The following DGKB variants were observed in gnomAD, a reference collection of about 807,000 sequenced individuals.
DGKB encodes diacylglycerol kinase beta.
Under a neutral mutation model 114.3 loss-of-function variants are expected in DGKB, and 67 were observed. The ratio of observed to expected loss-of-function variants is 0.59; its 90% CI spans 0.48 to 0.72. DGKB has a LOEUF of 0.72. Ranked by LOEUF, DGKB falls within the 30% of genes least tolerant of loss-of-function variation. The pLI is 0.00. For missense variants in DGKB, 907 were observed against 975.2 expected, an observed-to-expected ratio of 0.93 and a Z score of 0.93; for synonymous variants, 398 against 323.1, an observed-to-expected ratio of 1.23 and a Z score of -2.49.
chr7:14,390,903 C>A (rs140758279), intron 21 of DGKB, among the ~76,000 whole-genome samples: 5 of 152,124 alleles, frequency 3.3e-5, no homozygotes, highest in African/African-American at 1.2e-4. Flanking sequence ...TATATTAATG[C>A]CTAATATTGA....
rs1212646215 is a variant in DGKB at position 14,484,031 on chromosome 7, G to C, written c.1771-5806C>G. Among the ~76,000 whole-genome samples the C allele has an allele frequency of 2.7e-5, 4 of 147,796 alleles. No homozygotes were observed. In the East Asian group the frequency reaches 7.9e-4, roughly 29 times the overall value. On this transcript the variant is annotated intron_variant, in intron 20 of 25. Coordinates refer to ENST00000402815, the MANE Select transcript of DGKB (RefSeq NM_001350709.2). ...AACTTATACTTCATCTGTTCATGTA[G>C]GGTTTTTTTTTTTTTGAGAAAAACA... is the stretch of plus-strand genomic sequence containing the variant.
intron 5 of DGKB, among the ~76,000 whole-genome samples, chr7:14,732,447 G>A (rs1363595429): frequency 6.6e-6 from 1 of 151,906 alleles, no homozygotes; most frequent in Non-Finnish European, 1.5e-5. Context: ...GAATGGAAAG[G>A]CATTTCTTTT....
At chr7:14,852,047 G>T (rs975739574) in intron 1 of DGKB, among the ~76,000 whole-genome samples, 2 of 152,058 alleles carry the variant, frequency 1.3e-5, no homozygotes, top group African/African-American at 4.8e-5. Flanking sequence ...ACAGTAAAAC[G>T]ATTATTTTAC....
chr7:14,910,593 C>A (rs148132850), intron 1 of DGKB, among the ~76,000 whole-genome samples: 12 of 152,018 alleles, frequency 7.9e-5, no homozygotes, highest in Admixed American at 5.9e-4. Context: ...AACTATCCTA[C>A]GAAGAAGATA....
chr7:14,314,912 C>T (rs1806179109), intron 23 of DGKB, among the ~76,000 whole-genome samples: 1 of 151,828 alleles, frequency 6.6e-6, no homozygotes, highest in Non-Finnish European at 1.5e-5. Context: ...AAGGGAAGCC[C>T]ATCAGACTAA....
intron 21 of DGKB, among the ~76,000 whole-genome samples, chr7:14,457,618 C>T (rs748417421): frequency 6.6e-6 from 1 of 152,134 alleles, no homozygotes; most frequent in South Asian, 2.1e-4. Context: ...TAAGAAAGAA[C>T]ATCAACACTT....
intron 21 of DGKB, among the ~76,000 whole-genome samples, chr7:14,431,384 CTTT>C (rs1406720312): frequency 3.3e-5 from 5 of 151,968 alleles, no homozygotes; most frequent in African/African-American, 7.2e-5. Flanking sequence ...ATTTTTTCTG[CTTT>C]TTTAAGTGAA....
chr7:14,390,697 T>G (rs528299017), intron 21 of DGKB, among the ~76,000 whole-genome samples: 3 of 152,316 alleles, frequency 2.0e-5, no homozygotes, highest in Non-Finnish European at 2.9e-5. Context: ...ACAATAGTGT[T>G]TCCAAAGGTC....
At chr7:14,452,217 T>C (rs1831632543) in intron 21 of DGKB, among the ~76,000 whole-genome samples, 1 of 152,190 alleles carries the variant, frequency 6.6e-6, no homozygotes, top group South Asian at 2.1e-4. Flanking sequence ...ACAAAAGCAA[T>C]TATTTAAAAC....
At chr7:14,819,116 C>G (rs1226868885) in intron 2 of DGKB, among the ~76,000 whole-genome samples, 2 of 152,108 alleles carry the variant, frequency 1.3e-5, no homozygotes, top group Non-Finnish European at 2.9e-5. Context: ...ATGATTCATT[C>G]TCTTTTCATA....
rs142278091 is a variant in DGKB, at chr7:14,273,488, T to G, written c.2122+65027A>C. Among the ~76,000 whole-genome samples, 1,106 of 152,350 alleles carry G rather than the reference T, an allele frequency of 7.3e-3. 19 individuals carry two copies. The highest frequency in any genetic ancestry group is 0.025 in the African/African-American group (1,058 of 41,582). On this transcript the variant is annotated intron_variant, in intron 23 of 25. Transcript: ENST00000402815. ...ACATATGTAGTTTATGGATTCAGGG[T>G]CATTGTTCTATAGTCAGAGCCAAGA...
intron 23 of DGKB, among the ~76,000 whole-genome samples, chr7:14,304,553 G>T (rs1271401050): frequency 6.6e-6 from 1 of 152,106 alleles, no homozygotes; most frequent in Non-Finnish European, 1.5e-5. Context: ...TTGCATTACA[G>T]CCCAAACAGA....
At chr7:14,158,914 C>T (rs1200835490) in intron 25 of DGKB, among the ~76,000 whole-genome samples, 1 of 152,060 alleles carries the variant, frequency 6.6e-6, no homozygotes, top group Non-Finnish European at 1.5e-5. Flanking sequence ...ATTTTCATCC[C>T]CCAAATATTT....
intron 25 of DGKB, among the ~76,000 whole-genome samples, chr7:14,169,202 T>TA (rs71033976): frequency 0.75 from 108,850 of 145,008 alleles, 42,023 homozygotes; most frequent in East Asian, 0.91. Context: ...TACTAAAAAT[T>TA]AAAAAAAAAA....
intron 13 of DGKB, among the ~76,000 whole-genome samples, chr7:14,633,573 A>G (rs2128855444): frequency 6.6e-6 from 1 of 152,058 alleles, no homozygotes; most frequent in East Asian, 1.9e-4. Flanking sequence ...AAATAAATTT[A>G]GCTATCGTAT....
intron 23 of DGKB, among the ~76,000 whole-genome samples, chr7:14,271,745 A>G (rs1798296021): frequency 6.6e-6 from 1 of 152,212 alleles, no homozygotes; most frequent in South Asian, 2.1e-4. Flanking sequence ...TTTAGTTGGG[A>G]CTTAGACGGG....
At chr7:14,733,132 A>G (rs930850702) in intron 5 of DGKB, among the ~76,000 whole-genome samples, 4 of 152,216 alleles carry the variant, frequency 2.6e-5, no homozygotes, top group Admixed American at 6.5e-5. Flanking sequence ...CCAAAACACT[A>G]TTAAACTGTA....
intron 1 of DGKB, among the ~76,000 whole-genome samples, chr7:14,945,999 A>G (rs1202302401): frequency 6.6e-6 from 1 of 151,614 alleles, no homozygotes; most frequent in Non-Finnish European, 1.5e-5. Context: ...GCGTAATTAA[A>G]TATTTTCCTT....
chr7:14,871,169 T>C (rs1041033894), intron 1 of DGKB, among the ~76,000 whole-genome samples: 4 of 152,276 alleles, frequency 2.6e-5, no homozygotes, highest in Middle Eastern at 3.4e-3. Context: ...AATGTGATGT[T>C]TTGGTACACA....
Sources: allele counts gnomAD v4.1 joint callset (sites outside exome capture counted in the v4.1 genomes callset), GRCh38; gene constraint gnomAD v4.1.1; transcripts MANE v1.5; gene names NCBI Gene and HGNC (gene_info 2026-07-23, HGNC 2026-07-21).